ASMTL: variants seen among roughly 807,000 people sequenced by gnomAD.
ASMTL encodes probable bifunctional dTTP/UTP pyrophosphatase/methyltransferase protein.
Under a neutral mutation model 60.3 loss-of-function variants are expected in ASMTL, and 57 were observed. That is an observed-to-expected ratio of 0.95 (90% CI 0.76 to 1.18). The LOEUF (loss-of-function observed/expected upper bound fraction) is 1.18. Ranked by LOEUF, ASMTL falls within the 50% of genes most tolerant of loss-of-function variation. ASMTL has a pLI of 0.00. For missense variants in ASMTL, 981 were observed against 852.6 expected, an observed-to-expected ratio of 1.15 and a Z score of -1.88; for synonymous variants, 419 against 373.0, an observed-to-expected ratio of 1.12 and a Z score of -1.42.
intron 3 of ASMTL, among the ~76,000 whole-genome samples, chrX:1,436,554 A>G (rs1204255110): frequency 9.9e-5 from 15 of 152,020 alleles, no homozygotes; most frequent in South Asian, 4.2e-4. Context: ...GGGTTTCACC[A>G]TGTTGGCCAG....
chrX:1,435,383 G>A (rs2090934451), intron 4 of ASMTL: 1 of 605,214 alleles, frequency 1.7e-6, no homozygotes, highest in South Asian at 2.0e-5. Flanking sequence ...TGGGGATGAC[G>A]TCCCAGGCTA....
At chrX:1,451,550 C>CAGGT in intron 1 of ASMTL, among the ~76,000 whole-genome samples, 1 of 139,260 alleles carries the variant, frequency 7.2e-6, no homozygotes, top group South Asian at 2.4e-4. Context: ...TCCCAGGTTA[C>CAGGT]TCTCCCATCC....
intron 11 of ASMTL, among the ~76,000 whole-genome samples, chrX:1,417,069 GAC>G (rs1300300782): frequency 4.0e-5 from 6 of 148,880 alleles, no homozygotes; most frequent in African/African-American, 9.9e-5. Flanking sequence ...TATCCACACA[GAC>G]ACACACCATG....
chrX:1,425,393 G>T, intron 8 of ASMTL, 132 bp downstream of exon 8: 1 of 1,072,540 alleles, frequency 9.3e-7, no homozygotes, highest in Non-Finnish European at 1.3e-6. Context: ...TTCGGGAAAA[G>T]CAGCATTCCT....
At position 1,435,093 on chromosome X, in the gene ASMTL, A is replaced by C. The variant is rs749985119; in HGVS notation, c.339-10T>G. Reference sequence around the variant, plus strand: ...TTCTCTCCCACTCAACCTGTAAGACAACAACGGGTGACCACGTGACCATGC... The same window carrying C: ...TTCTCTCCCACTCAACCTGTAAGACCACAACGGGTGACCACGTGACCATGC... On this transcript the variant is annotated splice_polypyrimidine_tract_variant and intron_variant, in intron 4 of 12. Coordinates refer to ENST00000381317, the MANE Select transcript of ASMTL (RefSeq NM_004192.4). 1 of 1,613,920 alleles carries C rather than the reference A, an allele frequency of 6.2e-7. No individual in the cohort carries two copies. The highest frequency in any genetic ancestry group is 1.7e-5 in the Admixed American group (1 of 60,016).
intron 10 of ASMTL, 177 bp downstream of exon 10, chrX:1,418,805 G>T: frequency 3.2e-6 from 1 of 310,272 alleles, no homozygotes; most frequent in Non-Finnish European, 4.7e-6. Context: ...AGGCATCCCC[G>T]GGGTCCTCCT....
Position 1,435,093 on chromosome X carries a change from A to G in ASMTL, c.339-10T>C. ...TTCTCTCCCACTCAACCTGTAAGAC[A>G]ACAACGGGTGACCACGTGACCATGC... On this transcript the variant is annotated splice_polypyrimidine_tract_variant and intron_variant, in intron 4 of 12. Transcript: ENST00000381317. 6.2e-7 allele frequency: 1 copy of G among 1,613,920 alleles called. No individual in the cohort carries two copies. The highest frequency in any genetic ancestry group is 1.7e-4 in the Middle Eastern group (1 of 6,056).
At chrX:1,430,077 C>T (rs73180951) in intron 6 of ASMTL, among the ~76,000 whole-genome samples, 16,363 of 151,470 alleles carry the variant, frequency 0.11, 1,115 homozygotes, top group Admixed American at 0.15. Flanking sequence ...TGCAGTGGCG[C>T]GATCTCGGCT....
intron 12 of ASMTL, among the ~76,000 whole-genome samples, chrX:1,406,228 A>G (rs2089833205): frequency 6.6e-6 from 1 of 150,496 alleles, no homozygotes; most frequent in African/African-American, 2.5e-5. Flanking sequence ...GGGTGAATAG[A>G]TGGTAGATGA....
At chrX:1,449,517 A>T (rs1474188238) in intron 1 of ASMTL, among the ~76,000 whole-genome samples, 1 of 151,800 alleles carries the variant, frequency 6.6e-6, no homozygotes, top group Non-Finnish European at 1.5e-5. Flanking sequence ...CTCCCAGGGT[A>T]CCAGACCTCC....
At chrX:1,435,626 CG>C in intron 4 of ASMTL, 67 bp downstream of exon 4, 1 of 1,513,644 alleles carries the variant, frequency 6.6e-7, no homozygotes, top group Non-Finnish European at 9.2e-7. Context: ...CCAGGACACC[CG>C]GCCAGATACC....
intron 3 of ASMTL, among the ~76,000 whole-genome samples, chrX:1,438,468 C>T (rs1305279638): frequency 2.0e-5 from 3 of 152,190 alleles, no homozygotes; most frequent in Non-Finnish European, 4.4e-5. Context: ...AAGGAAGAAA[C>T]CCTACAGACA....
chrX:1,442,029 A>G, intron 2 of ASMTL, 157 bp downstream of exon 2: 1 of 778,102 alleles, frequency 1.3e-6, no homozygotes. Flanking sequence ...AGGTTACTGC[A>G]ATAGTGCATT....
At chrX:1,406,169 A>G (rs1416215693) in intron 12 of ASMTL, among the ~76,000 whole-genome samples, 2 of 147,406 alleles carry the variant, frequency 1.4e-5, no homozygotes, top group South Asian at 4.2e-4. Flanking sequence ...GGCTGAATAG[A>G]TGGTAGATGA....
intron 6 of ASMTL, 142 bp downstream of exon 6, chrX:1,432,127 G>C: frequency 1.5e-6 from 1 of 665,366 alleles, no homozygotes; most frequent in Non-Finnish European, 2.6e-6. Context: ...TTGTGCTTCT[G>C]AGCCGGGCGG....
chrX:1,441,437 C>T (rs1368628490), intron 2 of ASMTL, among the ~76,000 whole-genome samples: 1 of 152,068 alleles, frequency 6.6e-6, no homozygotes, highest in Non-Finnish European at 1.5e-5. Context: ...CCACCACGCC[C>T]AGCTAATTTT....
At chrX:1,426,897 C>T (rs1215730833) in intron 7 of ASMTL, among the ~76,000 whole-genome samples, 1 of 151,856 alleles carries the variant, frequency 6.6e-6, no homozygotes, top group Non-Finnish European at 1.5e-5. Context: ...GCAGGAGAAT[C>T]GCTTGAACCC....
rs780026450 is a variant in ASMTL, at chrX:1,412,713, C to T, written c.1645+19G>A. On this transcript the variant is annotated intron_variant, in intron 12 of 12. Coordinates refer to ENST00000381317, the MANE Select transcript of ASMTL (RefSeq NM_004192.4). The stretch of plus-strand genomic sequence containing the variant: ...ACTACGTCTTAACAAAAACAGCTAA[C>T]CTGACGATGGGCTCTCACCTGGCTT... The T allele has an allele frequency of 4.3e-6, 7 of 1,613,856 alleles. No homozygotes were observed. The highest frequency in any genetic ancestry group is 5.9e-6 in the Non-Finnish European group (7 of 1,179,864).
intron 1 of ASMTL, among the ~76,000 whole-genome samples, chrX:1,447,097 G>A (rs1460089821): frequency 1.3e-5 from 2 of 152,142 alleles, no homozygotes. Context: ...GTGCTGCTTG[G>A]AAGGCCCCTA....
Sources: gnomAD v4.1 joint callset for allele counts (sites outside exome capture counted in the v4.1 genomes callset) on GRCh38, gnomAD v4.1.1 for gene constraint, MANE v1.5 for transcripts, NCBI Gene and HGNC (gene_info 2026-07-23, HGNC 2026-07-21) for gene names.